OSBPL5: variants seen among roughly 807,000 people sequenced by gnomAD.
OSBPL5 encodes the protein oxysterol binding protein like 5, also known as oxysterol-binding protein-related protein 5.
OSBPL5 carries 71 observed loss-of-function variants against 111.2 expected under a neutral mutation model. The ratio of observed to expected loss-of-function variants is 0.64; its 90% CI spans 0.53 to 0.78. OSBPL5 has a LOEUF of 0.78. Ranked by LOEUF, OSBPL5 falls within the 30% of genes least tolerant of loss-of-function variation. The pLI is 0.00. For missense variants in OSBPL5, 1,210 were observed against 1,189.3 expected (o/e 1.02, Z -0.26); for synonymous variants, 549 against 513.9 (o/e 1.07, Z -0.93).
At chr11:3,117,139 G>C (rs1282266862) in intron 7 of OSBPL5, among the ~76,000 whole-genome samples, 6 of 152,190 alleles carry the variant, frequency 3.9e-5, no homozygotes, top group Admixed American at 2.0e-4. Context: ...GACACAATCG[G>C]AGAAATTGGT....
intron 19 of OSBPL5, among the ~76,000 whole-genome samples, chr11:3,091,145 T>G (rs532534527): frequency 6.6e-6 from 1 of 152,296 alleles, no homozygotes; most frequent in East Asian, 1.9e-4. Context: ...AAGGGGCATC[T>G]CCAGGGGGGA....
rs1326909457 is a variant in OSBPL5, at chr11:3,107,300, G to A, written c.1022C>T (p.Thr341Ile). 6.2e-7 allele frequency: 1 copy of A among 1,613,494 alleles called. No individual in the cohort carries two copies. The highest frequency in any genetic ancestry group is 1.1e-5 in the South Asian group (1 of 91,064). Residue 341 changes from threonine to isoleucine, a missense_variant, in exon 9 of 22, where the codon ACC (threonine) becomes ATC (isoleucine). Transcript: ENST00000263650. The surrounding 1 kb of genome is among the most constrained non-coding windows in gnomAD (Gnocchi z 6.1). ...CTCCTGGACCTGCTCCACATAGGTGGTCCCTCTCCGCACCGGGGCCCCAGG... is the reference window on the plus strand; with the variant it reads ...CTCCTGGACCTGCTCCACATAGGTGATCCCTCTCCGCACCGGGGCCCCAGG... ...ETPGAPVRRG[T>I]TYVEQVQEEL...
intron 10 of OSBPL5, among the ~76,000 whole-genome samples, chr11:3,103,745 A>AC (rs1857553878): frequency 1.9e-5 from 1 of 51,302 alleles, no homozygotes; most frequent in African/African-American, 7.3e-5. Context: ...TGCCTCTGCA[A>AC]CCCTCTTCCA....
intron 1 of OSBPL5, among the ~76,000 whole-genome samples, chr11:3,155,688 C>T (rs1846737220): frequency 6.6e-6 from 1 of 152,252 alleles, no homozygotes; most frequent in African/African-American, 2.4e-5. Context: ...CCAGCTTTGC[C>T]ACTCATGTCT....
chr11:3,113,066 G>C lies in OSBPL5; in HGVS notation c.692-5121C>G, dbSNP rs1858062720. ...GTTTCACTACTGAAAATATATAAAA[G>C]GGCTCTAATTGATTGGCTTAAGAAA... is the stretch of plus-strand genomic sequence containing the variant. On this transcript the variant is annotated intron_variant, in intron 7 of 21. Transcript: ENST00000263650. This position sits in a 1 kb window ranked among gnomAD's most constrained non-coding sequence, Gnocchi z 4.8. Among the ~76,000 whole-genome samples the C allele has an allele frequency of 6.6e-6, 1 of 152,030 alleles. No homozygotes were observed. Among genetic ancestry groups the C allele is most frequent in the South Asian group, 2.1e-4 (1 of 4,828 alleles).
rs937993116 is a variant in OSBPL5 at position 3,109,415 on chromosome 11, C to T, written c.692-1470G>A. Among the ~76,000 whole-genome samples, 7 of 152,116 alleles carry T rather than the reference C, an allele frequency of 4.6e-5. No homozygotes were observed. The highest frequency in any genetic ancestry group is 1.3e-4 in the Admixed American group (2 of 15,278). On this transcript the variant is annotated intron_variant, in intron 7 of 21. Coordinates refer to ENST00000263650, the MANE Select transcript of OSBPL5 (RefSeq NM_020896.4). This position sits in a 1 kb window ranked among gnomAD's most constrained non-coding sequence, Gnocchi z 7.4. ...ATTCAAAGAAAGCCTCCTGGGGTCACGTCAGGTGGGAGGATGGGGCTGAAG... is the reference window on the plus strand; with the variant it reads ...ATTCAAAGAAAGCCTCCTGGGGTCATGTCAGGTGGGAGGATGGGGCTGAAG...
intron 10 of OSBPL5, 24 bp from the exon 11 acceptor site, chr11:3,103,344 G>A (rs1366613863): frequency 1.3e-6 from 2 of 1,587,102 alleles, no homozygotes; most frequent in South Asian, 1.1e-5. Flanking sequence ...GGAGAACGCT[G>A]ACCCCAGCTC....
intron 14 of OSBPL5, 138 bp downstream of exon 14, chr11:3,100,018 CAA>C (rs398015214): frequency 0.025 from 10,972 of 442,818 alleles, no homozygotes; most frequent in South Asian, 0.035. Flanking sequence ...AACTCCATCT[CAA>C]AAAAAAAAAA....
At chr11:3,153,439 G>A (rs1019883347) in intron 1 of OSBPL5, among the ~76,000 whole-genome samples, 3 of 151,720 alleles carry the variant, frequency 2.0e-5, no homozygotes, top group Admixed American at 6.6e-5. Flanking sequence ...AGCCTCCATG[G>A]GAATAAGCTG....
rs1857661562 is a variant in OSBPL5 at position 3,105,492 on chromosome 11, A to G, written c.1060-1115T>C. Among the ~76,000 whole-genome samples the G allele has an allele frequency of 6.6e-6, 1 of 152,106 alleles. No individual in the cohort carries two copies. Among genetic ancestry groups the G allele is most frequent in the African/African-American group, 2.4e-5 (1 of 41,412 alleles). On this transcript the variant is annotated intron_variant, in intron 9 of 21. Coordinates refer to ENST00000263650, the MANE Select transcript of OSBPL5 (RefSeq NM_020896.4). The surrounding 1 kb of genome is among the most constrained non-coding windows in gnomAD (Gnocchi z 5.2). Reference sequence around the variant, plus strand: ...GAAATCATGGGTAGCTTCGGCTGTCAGGAATCCTGCTCTGTCCATGTGCTC... The same window carrying G: ...GAAATCATGGGTAGCTTCGGCTGTCGGGAATCCTGCTCTGTCCATGTGCTC...
At chr11:3,103,474 A>G (rs1857527454) in intron 10 of OSBPL5, among the ~76,000 whole-genome samples, 154 bp from the exon 11 acceptor site, 1 of 152,132 alleles carries the variant, frequency 6.6e-6, no homozygotes, top group Non-Finnish European at 1.5e-5. Context: ...CAAGCAGGAT[A>G]ATTTTCTCTG....
intron 1 of OSBPL5, among the ~76,000 whole-genome samples, chr11:3,157,267 C>T (rs1330827653): frequency 6.6e-6 from 1 of 152,142 alleles, no homozygotes; most frequent in African/African-American, 2.4e-5. Context: ...CTAAGGGAGT[C>T]AGGGCCGGCA....
intron 1 of OSBPL5, among the ~76,000 whole-genome samples, chr11:3,139,320 C>T (rs552897367): frequency 6.6e-6 from 1 of 152,212 alleles, no homozygotes; most frequent in South Asian, 2.1e-4. Flanking sequence ...GTGGCCAAGC[C>T]TGCTGGGGTC....
Position 3,119,473 on chromosome 11 carries a change from T to C in OSBPL5, c.691+74A>G, listed in dbSNP as rs1858324831. On this transcript the variant is annotated intron_variant, in intron 7 of 21. Coordinates refer to ENST00000263650, the MANE Select transcript of OSBPL5 (RefSeq NM_020896.4). ...GGACTGAACTGGGGCCACCTGTACC[T>C]GGGCTACAACCTCAAAAGGGGGCCC... 4.9e-6 allele frequency: 7 copies of C among 1,438,392 alleles called. 1 individual carries two copies. In the Middle Eastern group the frequency reaches 5.4e-4, roughly 111 times the overall value. 89.1% of individuals were successfully genotyped at this position (1,438,392 alleles called of 1,614,324 possible). A position where few individuals can be genotyped will look rare whatever the true frequency, so the allele number is the denominator to read the frequency against.
intron 1 of OSBPL5, among the ~76,000 whole-genome samples, chr11:3,139,981 G>A (rs1428736544): frequency 6.6e-6 from 1 of 152,168 alleles, no homozygotes; most frequent in African/African-American, 2.4e-5. Flanking sequence ...CTGCAGAGGT[G>A]CCCCCCCTGC....
rs1048234730 is a variant in OSBPL5, at chr11:3,113,944, G to C, written c.691+5603C>G. ...CTGTCTCAGTTATAATTTTGCAATG[G>C]TGTTTCCATAATTTAAATAATGACA... On this transcript the variant is annotated intron_variant, in intron 7 of 21. Transcript: ENST00000263650. The surrounding 1 kb of genome is among the most constrained non-coding windows in gnomAD (Gnocchi z 4.8). 2.6e-5 allele frequency among the ~76,000 whole-genome samples: 4 copies of C among 152,090 alleles called. No homozygotes were observed. Among genetic ancestry groups the C allele is most frequent in the Non-Finnish European group, 5.9e-5 (4 of 68,008 alleles).
chr11:3,147,300 T>C (rs559861186), intron 1 of OSBPL5, among the ~76,000 whole-genome samples: 1 of 152,248 alleles, frequency 6.6e-6, no homozygotes, highest in South Asian at 2.1e-4. Flanking sequence ...ACTGGATGTG[T>C]CTGACAGCCT....
At chr11:3,090,355 T>C (rs758060617) in intron 20 of OSBPL5, among the ~76,000 whole-genome samples, 1 of 149,524 alleles carries the variant, frequency 6.7e-6, no homozygotes, top group Non-Finnish European at 1.5e-5. Context: ...ACCCCCACCA[T>C]TCCCCCCGTT....
rs922088962 is a variant in OSBPL5 at position 3,104,803 on chromosome 11, T to A, written c.1060-426A>T. ...GGATTTGGCCTGCTCTTCCATTTTTTAAAAAAGGTTATTGTAACATTTCTT... is the reference window on the plus strand; with the variant it reads ...GGATTTGGCCTGCTCTTCCATTTTTAAAAAAAGGTTATTGTAACATTTCTT... On this transcript the variant is annotated intron_variant, in intron 9 of 21. Coordinates refer to ENST00000263650, the MANE Select transcript of OSBPL5 (RefSeq NM_020896.4). This position sits in a 1 kb window ranked among gnomAD's most constrained non-coding sequence, Gnocchi z 5.0. Among the ~76,000 whole-genome samples the A allele has an allele frequency of 3.9e-5, 6 of 152,292 alleles. No homozygotes were observed. The highest frequency in any genetic ancestry group is 7.2e-5 in the African/African-American group (3 of 41,568).
Sources: gnomAD v4.1 joint callset for allele counts (sites outside exome capture counted in the v4.1 genomes callset) on GRCh38, gnomAD v4.1.1 for gene constraint, Gnocchi (gnomAD v3.1) non-coding constraint, MANE v1.5 for transcripts, NCBI Gene and HGNC (gene_info 2026-07-23, HGNC 2026-07-21) for gene names.